Variants in VAV3 observed in about 807,000 individuals in gnomAD.
The protein encoded by VAV3 is vav guanine nucleotide exchange factor 3.
VAV3 carries 94 observed loss-of-function variants against 131.2 expected under a neutral mutation model. The observed-to-expected ratio is 0.72, with a 90% CI of 0.61 to 0.85. The LOEUF (loss-of-function observed/expected upper bound fraction) is 0.85, where lower values mean the gene tolerates loss of function less well. Ranked by LOEUF, VAV3 falls within the 40% of genes least tolerant of loss-of-function variation. The probability of loss-of-function intolerance (pLI) is 0.00; values close to 1 mark genes in which losing one functional copy is unlikely to be tolerated. For synonymous variants in VAV3, 349 were observed against 342.0 expected, an observed-to-expected ratio of 1.02 and a Z score of -0.22; for missense variants, 939 against 1,002.7, an observed-to-expected ratio of 0.94 and a Z score of 0.86.
At chr1:107,897,520 C>G (rs899027971) in intron 1 of VAV3, among the ~76,000 whole-genome samples, 2 of 151,820 alleles carry the variant, frequency 1.3e-5, no homozygotes, top group African/African-American at 4.8e-5. Context: ...GGAAGTGAGG[C>G]AGGAAAGGAG....
At chr1:107,637,124 G>A (rs904600569) in intron 20 of VAV3, among the ~76,000 whole-genome samples, 1 of 151,922 alleles carries the variant, frequency 6.6e-6, no homozygotes, top group South Asian at 2.1e-4. Flanking sequence ...TACTGATATC[G>A]GGAATGAGAT....
At chr1:107,777,910 T>C (rs1389681234) in intron 3 of VAV3, 2 of 152,344 alleles carry the variant, frequency 1.3e-5, no homozygotes, top group African/African-American at 2.4e-5. Flanking sequence ...TTGGGGTGAA[T>C]AGAGTGTTTT....
At chr1:107,675,394 A>G (rs925443456) in intron 19 of VAV3, among the ~76,000 whole-genome samples, 5 of 145,384 alleles carry the variant, frequency 3.4e-5, no homozygotes, top group Admixed American at 3.4e-4. Context: ...TATTTGCCTA[A>G]GACTATATAG....
At chr1:107,684,438 G>A (rs1434222935) in intron 18 of VAV3, among the ~76,000 whole-genome samples, 1 of 152,190 alleles carries the variant, frequency 6.6e-6, no homozygotes, top group African/African-American at 2.4e-5. Flanking sequence ...ACTTGGCTGT[G>A]CTAAGCACAC....
Position 107,596,273 on chromosome 1 carries a change from C to T in VAV3, c.2289G>A (p.Gln763=), listed in dbSNP as rs545835117. The change falls in exon 25 of 27, where the codon CAG becomes CAA. Residue 763 remains glutamine, a synonymous_variant. Transcript: ENST00000370056. ...EGFRTLDTTL[Q]FPYKEPEHSA... ...AATGTTCTGGCTCCTTGTATGGAAA[C>T]TGCAGAGTTGTATCTAAGGTTCTGA... 6 of 1,613,642 alleles carry T rather than the reference C, an allele frequency of 3.7e-6. No individual in the cohort carries two copies. The South Asian group carries it at 5.5e-5, about 15-fold the overall frequency.
chr1:107,793,444 A>G (rs1416213831), intron 2 of VAV3, among the ~76,000 whole-genome samples: 1 of 152,224 alleles, frequency 6.6e-6, no homozygotes, highest in African/African-American at 2.4e-5. Flanking sequence ...GTCTCCCAGA[A>G]TGAGAGCACA....
chr1:107,571,184 A>T lies in VAV3; in HGVS notation c.*2147T>A, dbSNP rs2100965783. On this transcript the variant is annotated 3_prime_UTR_variant, in exon 27 of 27. Coordinates refer to ENST00000370056, the MANE Select transcript of VAV3 (RefSeq NM_006113.5). The stretch of plus-strand genomic sequence containing the variant: ...AATCAATTTAGTCACTATTTATTAT[A>T]TTGACATATTTACAAAATAATACAA... 1 of 152,828 alleles carries T rather than the reference A, an allele frequency of 6.5e-6. No homozygotes were observed. Among genetic ancestry groups the T allele is most frequent in the South Asian group, 2.1e-4 (1 of 4,828 alleles). 9.5% of individuals were successfully genotyped at this position (152,828 alleles called of 1,614,324 possible). A position where few individuals can be genotyped will look rare whatever the true frequency, so the allele number is the denominator to read the frequency against.
chr1:107,759,404 T>G (rs541974139), intron 10 of VAV3, among the ~76,000 whole-genome samples: 34 of 152,348 alleles, frequency 2.2e-4, no homozygotes, highest in African/African-American at 7.9e-4. Flanking sequence ...ATTCTCACTT[T>G]GTGAATCTGT....
At chr1:107,893,759 TCA>T (rs1671431521) in intron 1 of VAV3, among the ~76,000 whole-genome samples, 1 of 152,210 alleles carries the variant, frequency 6.6e-6, no homozygotes, top group South Asian at 2.1e-4. Context: ...CCAAACTATA[TCA>T]GTGTTCTTCT....
At chr1:107,928,399 C>G (rs910805393) in intron 1 of VAV3, among the ~76,000 whole-genome samples, 1 of 152,132 alleles carries the variant, frequency 6.6e-6, no homozygotes, top group Admixed American at 6.5e-5. Context: ...CATGACCTCA[C>G]CTAATGAACT....
chr1:107,722,718 G>A (rs1661571851), intron 15 of VAV3, among the ~76,000 whole-genome samples: 1 of 152,074 alleles, frequency 6.6e-6, no homozygotes, highest in African/African-American at 2.4e-5. Flanking sequence ...CTATGATGAA[G>A]AGCAGCACCG....
rs374359300 is a variant in VAV3 at position 107,932,612 on chromosome 1, T to C, written c.204+32054A>G. 9.9e-5 allele frequency among the ~76,000 whole-genome samples: 15 copies of C among 152,236 alleles called. No homozygotes were observed. In the East Asian group the frequency reaches 2.7e-3, roughly 27 times the overall value. ...TAATACTTTATTATGGTAAAAGGGA[T>C]TTTGCAGACATAATTAAAGATCTCG... On this transcript the variant is annotated intron_variant, in intron 1 of 26. Coordinates refer to ENST00000370056, the MANE Select transcript of VAV3 (RefSeq NM_006113.5).
At chr1:107,626,256 A>T (rs1654007273) in intron 20 of VAV3, among the ~76,000 whole-genome samples, 1 of 152,210 alleles carries the variant, frequency 6.6e-6, no homozygotes, top group African/African-American at 2.4e-5. Flanking sequence ...AATTCAGTTT[A>T]TGATCTATTT....
chr1:107,670,759 AATTTT>A (rs1657731259), intron 19 of VAV3, among the ~76,000 whole-genome samples: 1 of 152,162 alleles, frequency 6.6e-6, no homozygotes, highest in South Asian at 2.1e-4. Flanking sequence ...CACCCAAATT[AATTTT>A]AAGTCACACT....
chr1:107,683,994 T>C (rs745504946), intron 18 of VAV3, among the ~76,000 whole-genome samples: 1 of 152,146 alleles, frequency 6.6e-6, no homozygotes, highest in Non-Finnish European at 1.5e-5. Flanking sequence ...AAAACAAAGA[T>C]CTGAAGCTCT....
In VAV3 at chr1:107,880,723, G is replaced by C. The variant is rs1670726600; in HGVS notation, c.205-5706C>G. On this transcript the variant is annotated intron_variant, in intron 1 of 26. Transcript: ENST00000370056. ...AGGCATGATAATCCCTTGAACCTGG[G>C]AAATGGAGGTTGCAGTGAGCTGAGA... Among the ~76,000 whole-genome samples the C allele has an allele frequency of 2.6e-5, 4 of 151,532 alleles. No individual in the cohort carries two copies. The South Asian group carries it at 8.3e-4, about 31-fold the overall frequency.
chr1:107,660,272 A>AGC (rs1248580397), intron 19 of VAV3, among the ~76,000 whole-genome samples: 2 of 152,196 alleles, frequency 1.3e-5, no homozygotes, highest in African/African-American at 4.8e-5. Flanking sequence ...GGCAACAGTG[A>AGC]GCACTGCTTT....
At chr1:107,681,631 C>T (rs1658615824) in intron 19 of VAV3, among the ~76,000 whole-genome samples, 1 of 150,438 alleles carries the variant, frequency 6.6e-6, no homozygotes. Flanking sequence ...CACTCATATA[C>T]ATTTATTATA....
intron 19 of VAV3, among the ~76,000 whole-genome samples, chr1:107,662,151 G>T (rs1348411823): frequency 6.6e-6 from 1 of 152,130 alleles, no homozygotes; most frequent in Admixed American, 6.5e-5. Flanking sequence ...GAATTGCTAT[G>T]ATTTTTTCAG....
Sources: allele counts gnomAD v4.1 joint callset (sites outside exome capture counted in the v4.1 genomes callset), GRCh38; gene constraint gnomAD v4.1.1; transcripts MANE v1.5; gene names NCBI Gene and HGNC (gene_info 2026-07-23, HGNC 2026-07-21).